ADD3: variants seen among roughly 807,000 people sequenced by gnomAD.
ADD3 encodes adducin 3, also known as gamma-adducin.
In ADD3, 25 loss-of-function variants were observed where a neutral mutation model predicts 80.2. That is an observed-to-expected ratio of 0.31 (90% CI 0.23 to 0.44). The LOEUF (loss-of-function observed/expected upper bound fraction) is 0.44, where lower values mean the gene tolerates loss of function less well. Among genes scored for constraint, ADD3 ranks in the 20% least tolerant of loss-of-function variants. The probability of loss-of-function intolerance (pLI) is 1.00; values close to 1 mark genes in which losing one functional copy is unlikely to be tolerated. For synonymous variants in ADD3, 284 were observed against 289.6 expected (o/e 0.98, Z 0.20); for missense variants, 829 against 847.5 (o/e 0.98, Z 0.27).
chr10:110,001,152 C>T (rs1443214828), upstream of ADD3, among the ~76,000 whole-genome samples: 1 of 152,150 alleles, frequency 6.6e-6, no homozygotes, highest in Non-Finnish European at 1.5e-5. Context: ...TGTTGGCTCA[C>T]ACCTGTAGTC....
Position 110,132,331 on chromosome 10 carries a change from G to A in ADD3, c.1759G>A (p.Asp587Asn). Residue 587 changes from aspartate to asparagine, a missense_variant, in exon 14 of 15, where the codon GAC becomes AAC. By Grantham distance (23) the Asp-to-Asn change is conservative. Transcript: ENST00000356080. Reference sequence around the variant, plus strand: ...TGCTGAGCAGGAATTACTCTCAGATGACGCTTCATCTGTTTCACAAATTCA... The same window carrying A: ...TGCTGAGCAGGAATTACTCTCAGATAACGCTTCATCTGTTTCACAAATTCA... The part of the protein sequence containing the change: ...EDAEQELLSD[D>N]ASSVSQIQSQ... 6.2e-7 allele frequency: 1 copy of A among 1,613,662 alleles called. No homozygotes were observed. Among genetic ancestry groups the A allele is most frequent in the South Asian group, 1.1e-5 (1 of 91,028 alleles).
intron 1 of ADD3, among the ~76,000 whole-genome samples, chr10:110,031,058 C>T (rs961425036): frequency 1.3e-5 from 2 of 152,134 alleles, no homozygotes; most frequent in Non-Finnish European, 2.9e-5. Flanking sequence ...GGTGGATCAC[C>T]TGAGGTCGGG....
rs201363574 is a variant in ADD3, at chr10:110,133,502, G to A, written c.2005G>A (p.Glu669Lys). The A allele has an allele frequency of 3.3e-5, 54 of 1,613,630 alleles. No homozygotes were observed. The highest frequency in any genetic ancestry group is 4.5e-5 in the Non-Finnish European group (53 of 1,179,754). The change falls in exon 15 of 15, where the codon GAA becomes AAA. Residue 669 changes from glutamate (E) to lysine (K), a missense_variant. Physicochemically the swap from Glu to Lys is moderately conservative, Grantham distance 56 (BLOSUM62 1). Transcript: ENST00000356080. ...EITIKSPEKI[E>K]EVLSPEGSPS... ...TACTATTAAGTCTCCAGAGAAAATC[G>A]AAGAAGTCCTGTCACCTGAAGGCTC...
At chr10:110,052,031 G>T (rs1197760481) in intron 1 of ADD3, among the ~76,000 whole-genome samples, 1 of 152,102 alleles carries the variant, frequency 6.6e-6, no homozygotes, top group African/African-American at 2.4e-5. Flanking sequence ...AAGCTCCTGG[G>T]CTTCCCAAGG....
chr10:110,072,518 T>G (rs889403720), intron 1 of ADD3, among the ~76,000 whole-genome samples: 6 of 152,194 alleles, frequency 3.9e-5, no homozygotes, highest in Non-Finnish European at 8.8e-5. Context: ...GCCAGAGGGT[T>G]GTGGGACTTG....
chr10:110,076,754 A>C (rs1845419451), intron 1 of ADD3, among the ~76,000 whole-genome samples: 2 of 152,200 alleles, frequency 1.3e-5, no homozygotes, highest in South Asian at 4.1e-4. Flanking sequence ...TGTTGGTTGA[A>C]CTGTGTGATC....
At chr10:110,028,949 G>GGCTCACCGCAACCTCCGCCTC (rs1854650467) in intron 1 of ADD3, among the ~76,000 whole-genome samples, 2 of 149,542 alleles carry the variant, frequency 1.3e-5, no homozygotes, top group African/African-American at 4.9e-5. Flanking sequence ...GCACGATCTC[G>GGCTCACCGCAACCTCCGCCTC]GCTCACCGCA....
At chr10:110,015,331 T>G (rs757093585) in intron 1 of ADD3, among the ~76,000 whole-genome samples, 2 of 152,118 alleles carry the variant, frequency 1.3e-5, no homozygotes, top group Non-Finnish European at 2.9e-5. Context: ...AAATACTTGT[T>G]TTTTGAAAAA....
intron 1 of ADD3, among the ~76,000 whole-genome samples, chr10:110,048,623 G>A (rs1371872683): frequency 6.6e-6 from 1 of 152,186 alleles, no homozygotes; most frequent in Non-Finnish European, 1.5e-5. Flanking sequence ...GAGACTGCCA[G>A]CATTTTGCCC....
intron 1 of ADD3, among the ~76,000 whole-genome samples, chr10:110,065,353 G>A (rs1290219499): frequency 6.6e-6 from 1 of 151,716 alleles, no homozygotes; most frequent in Non-Finnish European, 1.5e-5. Context: ...TTTGTAGGCA[G>A]TCTGTCCCTG....
rs1435171736 is a variant in ADD3, at chr10:110,112,676, C to G, written c.196-101C>G. On this transcript the variant is annotated intron_variant, in intron 2 of 14. Transcript: ENST00000356080. ...TGTTTTTAAATAGTACAGGTAAAAGCTATTCAGAAAAGGGATGGGGTAAAG... is the reference window on the plus strand; with the variant it reads ...TGTTTTTAAATAGTACAGGTAAAAGGTATTCAGAAAAGGGATGGGGTAAAG... The G allele has an allele frequency of 4.5e-6, 6 of 1,345,402 alleles. No homozygotes were observed. In the South Asian group the frequency reaches 5.9e-5, roughly 13 times the overall value. 83.3% of individuals were successfully genotyped at this position (1,345,402 alleles called of 1,614,324 possible). A position where few individuals can be genotyped will look rare whatever the true frequency, so the allele number is the denominator to read the frequency against.
chr10:110,037,342 C>T (rs756061833), intron 1 of ADD3, among the ~76,000 whole-genome samples: 4 of 152,188 alleles, frequency 2.6e-5, no homozygotes, highest in East Asian at 1.9e-4. Flanking sequence ...GGTGACTCAA[C>T]GCCTATAATC....
chr10:110,109,125 C>A (rs192244079), intron 2 of ADD3, among the ~76,000 whole-genome samples: 1 of 152,252 alleles, frequency 6.6e-6, no homozygotes, highest in East Asian at 1.9e-4. Context: ...AGCTGTATGT[C>A]CGTGAACAGG....
intron 1 of ADD3, among the ~76,000 whole-genome samples, chr10:110,046,384 T>G (rs1856911531): frequency 6.6e-6 from 1 of 151,968 alleles, no homozygotes; most frequent in South Asian, 2.1e-4. Flanking sequence ...AATAGTAGGC[T>G]ATTAATAGTT....
chr10:110,064,100 A>G (rs1843617208), intron 1 of ADD3, among the ~76,000 whole-genome samples: 1 of 151,756 alleles, frequency 6.6e-6, no homozygotes, highest in African/African-American at 2.4e-5. Flanking sequence ...TCTTTATTGT[A>G]TGTACTGTAT....
intron 1 of ADD3, among the ~76,000 whole-genome samples, chr10:110,008,574 C>T (rs759277552): frequency 6.6e-6 from 1 of 152,012 alleles, no homozygotes; most frequent in Admixed American, 6.5e-5. Flanking sequence ...GCGGCGCCGC[C>T]GGGTGGGCCC....
chr10:110,103,351 A>G (rs1849050574), intron 2 of ADD3, among the ~76,000 whole-genome samples: 1 of 152,222 alleles, frequency 6.6e-6, no homozygotes, highest in Admixed American at 6.5e-5. Context: ...TTCTGGCTCA[A>G]GTTCCCTGAT....
chr10:110,127,412 A>T (rs1281984555), intron 12 of ADD3, among the ~76,000 whole-genome samples: 2 of 152,134 alleles, frequency 1.3e-5, no homozygotes, highest in East Asian at 3.9e-4. Context: ...AGGTCAAGAG[A>T]TCAAGACCAT....
intron 2 of ADD3, chr10:110,106,066 T>C (rs193295481): frequency 5.3e-5 from 8 of 152,250 alleles, no homozygotes; most frequent in East Asian, 1.9e-4. Context: ...AAGTTTGTTA[T>C]GCTCCTAATC....
Sources: allele counts gnomAD v4.1 joint callset (sites outside exome capture counted in the v4.1 genomes callset), GRCh38; gene constraint gnomAD v4.1.1; transcripts MANE v1.5; gene names NCBI Gene and HGNC (gene_info 2026-07-23, HGNC 2026-07-21).